GTPBP6: variants seen among roughly 807,000 people sequenced by gnomAD.
GTPBP6 encodes the protein GTP binding protein 6.
In GTPBP6, 33 loss-of-function variants were observed where a neutral mutation model predicts 28.9. The observed-to-expected ratio is 1.14, with a 90% CI of 0.87 to 1.53. The LOEUF is 1.53. GTPBP6 is among the 40% of genes most tolerant of loss of function. GTPBP6 has a pLI of 0.00. For synonymous variants in GTPBP6, 231 were observed against 192.7 expected (o/e 1.20, Z -1.65); for missense variants, 507 against 408.3 (o/e 1.24, Z -2.08).
At chrX:305,152 A>G in exon 10 of GTPBP6, 1 of 1,613,688 alleles carries the variant, frequency 6.2e-7, no homozygotes. Flanking sequence ...CCCCGTCCTC[A>G]GGGATCACGT....
intron 1 of GTPBP6, among the ~76,000 whole-genome samples, chrX:317,563 G>T (rs1342702349): frequency 2.4e-5 from 2 of 82,232 alleles, no homozygotes; most frequent in African/African-American, 1.5e-4. Flanking sequence ...CCTGGGGGGT[G>T]GGGGGTGGGA....
chrX:312,020 G>GGT (rs749500763), intron 6 of GTPBP6: 22 of 496,550 alleles, frequency 4.4e-5, no homozygotes, highest in African/African-American at 4.3e-4. Context: ...GTAGATGGGT[G>GGT]GATATAGATA....
At chrX:313,917 A>AGC (rs1345680644) in intron 5 of GTPBP6, among the ~76,000 whole-genome samples, 1 of 151,078 alleles carries the variant, frequency 6.6e-6, no homozygotes, top group Non-Finnish European at 1.5e-5. Context: ...AACCTCCAAA[A>AGC]ACCACCAGCA....
At chrX:313,067 C>A in intron 5 of GTPBP6, 143 bp from the exon 6 acceptor site, 2 of 656,636 alleles carry the variant, frequency 3.0e-6, no homozygotes, top group Non-Finnish European at 5.2e-6. Context: ...CAGCAGCGGC[C>A]CCGACACGTC....
chrX:311,621 G>C lies in GTPBP6; in HGVS notation c.923C>G (p.Thr308Ser), dbSNP rs1445034296. 3 of 1,611,376 alleles carry C rather than the reference G, an allele frequency of 1.9e-6. No individual in the cohort carries two copies. In the African/African-American group the frequency reaches 4.0e-5, roughly 22 times the overall value. The change falls in exon 7 of 10, where the codon ACC (threonine) becomes AGC (serine). Residue 308 changes from threonine (T) to serine (S), a missense_variant. Transcript: ENST00000326153. ...GCCCGTCAGTGCCTTGATCAGCGTGGTCTTTCCTAGGAGGGCGTGGAGGTC... is the reference window on the plus strand; with the variant it reads ...GCCCGTCAGTGCCTTGATCAGCGTGCTCTTTCCTAGGAGGGCGTGGAGGTC...
At chrX:313,068 C>G (rs1338030006) in intron 5 of GTPBP6, 144 bp from the exon 6 acceptor site, 2 of 657,658 alleles carry the variant, frequency 3.0e-6, no homozygotes, top group African/African-American at 3.7e-5. Context: ...AGCAGCGGCC[C>G]CGACACGTCC....
Position 305,489 on chromosome X carries a change from T to C in GTPBP6, c.1428-292A>G, listed in dbSNP as rs779735165. On this transcript the variant is annotated intron_variant, in intron 9 of 9. Transcript: ENST00000326153. Reference sequence around the variant, plus strand: ...GGTGCATGCCACCACACCTGGCTAATTTTTTGTGTTTTTAGTAGAGACGGG... The same window carrying C: ...GGTGCATGCCACCACACCTGGCTAACTTTTTGTGTTTTTAGTAGAGACGGG... Among the ~76,000 whole-genome samples, 205 of 151,146 alleles carry C rather than the reference T, an allele frequency of 1.4e-3. 4 individuals carry two copies. Among genetic ancestry groups the C allele is most frequent in the Admixed American group, 0.013 (204 of 15,172 alleles).
rs776612750 is a variant in GTPBP6, at chrX:310,141, C to A, written c.1125+1278G>T. ...ACAAAAGACCTGTCCATGTATTGAT[C>A]ATCTGGAACCTGTGAATGGGACATT... On this transcript the variant is annotated intron_variant, in intron 7 of 9. Transcript: ENST00000326153. 4.0e-3 allele frequency among the ~76,000 whole-genome samples: 552 copies of A among 137,656 alleles called. 4 individuals are homozygous for A. The highest frequency in any genetic ancestry group is 0.015 in the African/African-American group (529 of 36,288). 90.3% of individuals were successfully genotyped at this position (137,656 alleles called of 152,430 possible).
exon 8 of GTPBP6, chrX:307,772 A>G: frequency 1.3e-6 from 2 of 1,528,162 alleles, no homozygotes; most frequent in African/African-American, 1.4e-5. Flanking sequence ...TCCACCATGG[A>G]GTCCAGGAGC....
In GTPBP6 at chrX:315,425, G is replaced by A; in HGVS notation, c.488-126C>T. The A allele has an allele frequency of 7.5e-6, 3 of 398,464 alleles. No individual in the cohort carries two copies. In the East Asian group the frequency reaches 1.1e-4, roughly 14 times the overall value. The allele number at this position is 398,464 out of a possible 1,614,324, so 24.7% of individuals were successfully genotyped here. A position where few individuals can be genotyped will look rare whatever the true frequency, so the allele number is the denominator to read the frequency against. ...ACTTCACAGGCATCCCCGACTTCCT[G>A]AGCACGAGACCCGGGATCCAGGAAG... On this transcript the variant is annotated intron_variant, in intron 2 of 9. Transcript: ENST00000326153.
intron 5 of GTPBP6, among the ~76,000 whole-genome samples, chrX:313,846 G>A (rs1036494825): frequency 1.3e-5 from 2 of 152,140 alleles, no homozygotes; most frequent in African/African-American, 4.8e-5. Context: ...TGGTGTCCAG[G>A]AGGGGAGAGC....
rs1447360322 is a variant in GTPBP6, at chrX:306,843, G to C, written c.1427+517C>G. Among the ~76,000 whole-genome samples the C allele has an allele frequency of 2.1e-4, 31 of 148,254 alleles. 3 individuals carry two copies. Among genetic ancestry groups the C allele is most frequent in the African/African-American group, 7.8e-4 (31 of 39,848 alleles). The stretch of plus-strand genomic sequence containing the variant: ...CCACAGTCAGAAATGTATATTTTGA[G>C]TGTCAGCACAGATTAGGCACCTGTT... On this transcript the variant is annotated intron_variant, in intron 9 of 9. Transcript: ENST00000326153.
rs1335183612 is a variant in GTPBP6, at chrX:315,186, G to A, written c.558+43C>T. ...GCCGTGGCGTCCCCTCCTTCATCGC[G>A]TGGAGTGCGGGGACAAACACAGCAA... On this transcript the variant is annotated intron_variant, in intron 3 of 9. Coordinates refer to ENST00000326153, the Ensembl canonical transcript of GTPBP6. 347 of 398,692 alleles carry A rather than the reference G, an allele frequency of 8.7e-4. 6 individuals are homozygous for A. The East Asian group carries it at 0.011, about 13-fold the overall frequency. The allele number at this position is 398,692 out of a possible 1,614,324, so 24.7% of individuals were successfully genotyped here.
At chrX:311,343 CT>C in intron 7 of GTPBP6, 75 bp downstream of exon 7, 1 of 746,494 alleles carries the variant, frequency 1.3e-6, no homozygotes, top group Admixed American at 3.4e-5. Flanking sequence ...CGACCCCTGG[CT>C]GTGTGTGTCT....
chrX:312,649 C>T, intron 6 of GTPBP6, 117 bp downstream of exon 6: 1 of 1,074,030 alleles, frequency 9.3e-7, no homozygotes, highest in South Asian at 1.3e-5. Context: ...GGCACGTGCT[C>T]ACCGCAGCTG....
intron 5 of GTPBP6, 111 bp downstream of exon 5, chrX:314,039 G>T: frequency 3.6e-6 from 3 of 843,834 alleles, no homozygotes; most frequent in Non-Finnish European, 6.0e-6. Flanking sequence ...AGGAGACGGA[G>T]ACCCCAGCTG....
At chrX:318,722 C>A in exon 1 of GTPBP6, 1 of 348,146 alleles carries the variant, frequency 2.9e-6, no homozygotes, top group East Asian at 4.3e-5. Flanking sequence ...CCCGCGGAGC[C>A]GAGCGGCCGC....
chrX:318,581 G>A (rs2070483501), exon 1 of GTPBP6: 2 of 397,726 alleles, frequency 5.0e-6, no homozygotes, highest in African/African-American at 4.1e-5. Flanking sequence ...GCTCCTCCTC[G>A]TCGTCTCCCG....
chrX:312,044 G>A (rs1436619251), intron 6 of GTPBP6: 16 of 458,636 alleles, frequency 3.5e-5, no homozygotes, highest in East Asian at 5.1e-5. Context: ...CAGTGGTGCC[G>A]GTGTTGACAG....
Sources: allele counts gnomAD v4.1 joint callset (sites outside exome capture counted in the v4.1 genomes callset), GRCh38; gene constraint gnomAD v4.1.1; transcripts MANE v1.5; gene names NCBI Gene and HGNC (gene_info 2026-07-23, HGNC 2026-07-21).